Variants in SPPL3 observed in about 807,000 individuals in gnomAD.
SPPL3 encodes signal peptide peptidase-like 3.
In SPPL3, 5 loss-of-function variants were observed where a neutral mutation model predicts 42.4. That is an observed-to-expected ratio of 0.12 (90% CI 0.06 to 0.25). SPPL3 has a LOEUF of 0.25. Among genes scored for constraint, SPPL3 ranks in the 10% least tolerant of loss-of-function variants. SPPL3 has a pLI of 1.00. For synonymous variants in SPPL3, 195 were observed against 181.8 expected (o/e 1.07, Z -0.58); for missense variants, 235 against 489.0 (o/e 0.48, Z 4.90).
intron 2 of SPPL3, among the ~76,000 whole-genome samples, chr12:120,798,244 C>T (rs1217203930): frequency 6.6e-6 from 1 of 151,974 alleles, no homozygotes; most frequent in African/African-American, 2.4e-5. Context: ...TTTAAAAAAG[C>T]CTTGGATTTT....
chr12:120,764,750 G>A lies in SPPL3; in HGVS notation c.*249C>T, dbSNP rs1465629653. Reference sequence around the variant, plus strand: ...ATCCATAAAAACGTGGGAGGAAGGCGCGCTGGGGAGAGGCCTGTCCCTCTT... The same window carrying A: ...ATCCATAAAAACGTGGGAGGAAGGCACGCTGGGGAGAGGCCTGTCCCTCTT... On this transcript the variant is annotated 3_prime_UTR_variant, in exon 11 of 11. Coordinates refer to ENST00000353487, the MANE Select transcript of SPPL3 (RefSeq NM_139015.5). 2.3e-6 allele frequency: 1 copy of A among 443,744 alleles called. No homozygotes were observed. The highest frequency in any genetic ancestry group is 4.0e-6 in the Non-Finnish European group (1 of 251,770). 27.5% of individuals were successfully genotyped at this position (443,744 alleles called of 1,614,324 possible).
intron 6 of SPPL3, among the ~76,000 whole-genome samples, chr12:120,777,522 G>A (rs1390007893): frequency 1.3e-5 from 2 of 152,074 alleles, no homozygotes; most frequent in African/African-American, 4.8e-5. Context: ...AATGCACATA[G>A]CTGTCACTTT....
intron 1 of SPPL3, among the ~76,000 whole-genome samples, chr12:120,830,177 T>C (rs1035029092): frequency 4.9e-5 from 7 of 142,012 alleles, no homozygotes; most frequent in African/African-American, 1.9e-4. Flanking sequence ...ATCTACAGGA[T>C]TTCCTGACAG....
intron 3 of SPPL3, among the ~76,000 whole-genome samples, chr12:120,790,786 T>C (rs1019016172): frequency 2.0e-5 from 3 of 151,804 alleles, no homozygotes; most frequent in Non-Finnish European, 4.4e-5. Context: ...TTGCCCCATA[T>C]ATAGGAGGTG....
intron 1 of SPPL3, among the ~76,000 whole-genome samples, chr12:120,899,888 CA>C (rs34814522): frequency 8.0e-4 from 57 of 71,698 alleles, no homozygotes; most frequent in African/African-American, 3.1e-3. Context: ...GACCCTGTCT[CA>C]AAAAAAAAAA....
chr12:120,849,744 C>T (rs746800253), intron 1 of SPPL3, among the ~76,000 whole-genome samples: 4 of 152,116 alleles, frequency 2.6e-5, no homozygotes, highest in East Asian at 3.8e-4. Flanking sequence ...CCTATTTATC[C>T]GAGACTCCTA....
intron 1 of SPPL3, among the ~76,000 whole-genome samples, chr12:120,852,944 G>C (rs1420087933): frequency 7.0e-6 from 1 of 142,674 alleles, no homozygotes; most frequent in African/African-American, 2.6e-5. Context: ...GCCCAGGCTG[G>C]AGTGCAGTGG....
At chr12:120,824,391 G>T (rs943822109) in intron 1 of SPPL3, among the ~76,000 whole-genome samples, 1 of 151,986 alleles carries the variant, frequency 6.6e-6, no homozygotes, top group South Asian at 2.1e-4. Flanking sequence ...GTCTGATTTG[G>T]CTATATTTTT....
chr12:120,782,833 G>T, intron 5 of SPPL3, 66 bp from the exon 6 acceptor site: 2 of 1,192,624 alleles, frequency 1.7e-6, no homozygotes, highest in Non-Finnish European at 2.4e-6. Context: ...TTCTCCTTTG[G>T]TATTTCGTGA....
intron 1 of SPPL3, among the ~76,000 whole-genome samples, chr12:120,832,391 G>A (rs1302316181): frequency 6.6e-6 from 1 of 152,168 alleles, no homozygotes; most frequent in African/African-American, 2.4e-5. Context: ...GCTATTTGGG[G>A]CCAGGCACGG....
chr12:120,874,170 T>C (rs970413971), intron 1 of SPPL3, among the ~76,000 whole-genome samples: 11 of 151,940 alleles, frequency 7.2e-5, no homozygotes, highest in Admixed American at 5.9e-4. Context: ...ATGGTAAATA[T>C]GGCCAGGCGT....
intron 2 of SPPL3, among the ~76,000 whole-genome samples, chr12:120,794,781 T>C (rs1870043955): frequency 6.6e-6 from 1 of 152,208 alleles, no homozygotes; most frequent in Non-Finnish European, 1.5e-5. Flanking sequence ...ATCTTACTAT[T>C]TGTTTCCTAC....
At chr12:120,796,070 G>T (rs567491289) in intron 2 of SPPL3, among the ~76,000 whole-genome samples, 1 of 151,934 alleles carries the variant, frequency 6.6e-6, no homozygotes, top group Non-Finnish European at 1.5e-5. Flanking sequence ...GTTTGATTTC[G>T]TTCTTCTTTA....
chr12:120,871,490 C>G (rs1022755745), intron 1 of SPPL3, among the ~76,000 whole-genome samples: 3 of 152,124 alleles, frequency 2.0e-5, no homozygotes, highest in African/African-American at 7.2e-5. Flanking sequence ...CAGTGGCTCA[C>G]AGCTGTAATT....
rs556973324 is a variant in SPPL3 at position 120,896,734 on chromosome 12, G to C, written c.23+7111C>G. Among the ~76,000 whole-genome samples the C allele has an allele frequency of 2.0e-5, 3 of 151,466 alleles. No individual in the cohort carries two copies. In the East Asian group the frequency reaches 5.8e-4, roughly 29 times the overall value. On this transcript the variant is annotated intron_variant, in intron 1 of 10. Coordinates refer to ENST00000353487, the MANE Select transcript of SPPL3 (RefSeq NM_139015.5). Reference sequence around the variant, plus strand: ...GTGGAGGTAGCAGTGAGCTGAGATCGCACCACTACACTCTAGACTGGGTGA... The same window carrying C: ...GTGGAGGTAGCAGTGAGCTGAGATCCCACCACTACACTCTAGACTGGGTGA...
chr12:120,897,289 G>A (rs931982289), intron 1 of SPPL3, among the ~76,000 whole-genome samples: 2 of 152,212 alleles, frequency 1.3e-5, no homozygotes, highest in Admixed American at 6.5e-5. Context: ...CTTTACCCCC[G>A]AAGGCTTTAT....
At chr12:120,882,258 C>T (rs904056471) in intron 1 of SPPL3, among the ~76,000 whole-genome samples, 1 of 152,110 alleles carries the variant, frequency 6.6e-6, no homozygotes, top group Admixed American at 6.5e-5. Context: ...AAGGTATCCA[C>T]TGGGAGTCTT....
chr12:120,819,273 T>C (rs999019915), intron 1 of SPPL3, among the ~76,000 whole-genome samples: 3 of 152,198 alleles, frequency 2.0e-5, no homozygotes, highest in African/African-American at 7.2e-5. Flanking sequence ...ATCCTGAACT[T>C]TGTGTGAATC....
intron 1 of SPPL3, among the ~76,000 whole-genome samples, chr12:120,825,692 A>T (rs1871212654): frequency 6.6e-6 from 1 of 152,224 alleles, no homozygotes; most frequent in Admixed American, 6.5e-5. Flanking sequence ...TTTTAACGTC[A>T]CCTGAAAACA....
Sources: allele counts gnomAD v4.1 joint callset (sites outside exome capture counted in the v4.1 genomes callset), GRCh38; gene constraint gnomAD v4.1.1; transcripts MANE v1.5; gene names NCBI Gene and HGNC (gene_info 2026-07-23, HGNC 2026-07-21).